DHRSX: variants seen among roughly 807,000 people sequenced by gnomAD.
The protein encoded by DHRSX is polyprenol dehydrogenase.
A neutral mutation model predicts 34.0 loss-of-function variants in DHRSX; 31 were observed. That is an observed-to-expected ratio of 0.91 (90% CI 0.69 to 1.23). The LOEUF is 1.23. Among genes scored for constraint, DHRSX ranks in the 50% most tolerant of loss-of-function variants. DHRSX has a pLI of 0.00. For synonymous variants in DHRSX, 201 were observed against 183.8 expected (o/e 1.09, Z -0.76); for missense variants, 414 against 428.1 (o/e 0.97, Z 0.29).
chrX:2,465,309 T>G (rs999928568), intron 1 of DHRSX, among the ~76,000 whole-genome samples: 6 of 152,140 alleles, frequency 3.9e-5, no homozygotes, highest in African/African-American at 1.4e-4. Context: ...GAATGGCGTG[T>G]TGTAACTGCA....
rs747987571 is a variant in DHRSX at position 2,494,071 on chromosome X, G to A, written c.109+6746C>T. ...ATACCTGGAAGAAAAGTTTGTACTC[G>A]GTTATTATTATCTGTCTGAAAGAGG... On this transcript the variant is annotated intron_variant, in intron 1 of 6. Coordinates refer to ENST00000334651, the MANE Select transcript of DHRSX (RefSeq NM_145177.3). 4.5e-4 allele frequency among the ~76,000 whole-genome samples: 68 copies of A among 151,620 alleles called. 1 individual carries two copies. Among genetic ancestry groups the A allele is most frequent in the Non-Finnish European group, 5.3e-4 (36 of 67,892 alleles).
chrX:2,335,411 T>C (rs980530328), intron 3 of DHRSX, among the ~76,000 whole-genome samples: 3 of 151,290 alleles, frequency 2.0e-5, no homozygotes, highest in African/African-American at 7.3e-5. Flanking sequence ...AGGTCATAGG[T>C]GGATAAGAGA....
chrX:2,232,791 C>G (rs1298990517), intron 6 of DHRSX, among the ~76,000 whole-genome samples: 3 of 151,910 alleles, frequency 2.0e-5, no homozygotes, highest in Admixed American at 1.3e-4. Flanking sequence ...CCAGGCTGGT[C>G]TCGAACTCCT....
At chrX:2,400,290 A>G (rs886984163) in intron 3 of DHRSX, among the ~76,000 whole-genome samples, 4 of 152,072 alleles carry the variant, frequency 2.6e-5, no homozygotes, top group African/African-American at 9.7e-5. Flanking sequence ...TGCCATCAAC[A>G]CTCACATCAT....
At chrX:2,241,743 T>C (rs1333493224) in intron 6 of DHRSX, among the ~76,000 whole-genome samples, 2 of 152,024 alleles carry the variant, frequency 1.3e-5, no homozygotes, top group Admixed American at 6.6e-5. Flanking sequence ...ACCCCGTCTC[T>C]ACTAAAAATA....
At chrX:2,318,357 A>T (rs1374343913) in intron 3 of DHRSX, among the ~76,000 whole-genome samples, 2 of 151,978 alleles carry the variant, frequency 1.3e-5, no homozygotes, top group Non-Finnish European at 2.9e-5. Flanking sequence ...TCTCAAAAAA[A>T]AAAAAAGATA....
intron 1 of DHRSX, among the ~76,000 whole-genome samples, chrX:2,470,387 C>T (rs1191316839): frequency 6.6e-6 from 1 of 150,702 alleles, no homozygotes; most frequent in African/African-American, 2.5e-5. Context: ...CGTAATGAAA[C>T]CCTATCTCTA....
chrX:2,435,120 C>T (rs762380808), intron 1 of DHRSX, among the ~76,000 whole-genome samples: 1 of 150,160 alleles, frequency 6.7e-6, no homozygotes, highest in African/African-American at 2.5e-5. Flanking sequence ...ACTAGTAATT[C>T]TCAGGGGTTC....
chrX:2,454,836 G>A (rs1225563348), intron 1 of DHRSX, among the ~76,000 whole-genome samples: 8 of 152,048 alleles, frequency 5.3e-5, no homozygotes, highest in Admixed American at 5.2e-4. Flanking sequence ...GGATTGGTTG[G>A]GCGTGGTGGC....
chrX:2,407,375 A>C (rs1181158109), intron 3 of DHRSX, among the ~76,000 whole-genome samples: 1 of 152,126 alleles, frequency 6.6e-6, no homozygotes, highest in African/African-American at 2.4e-5. Flanking sequence ...GTGGGCCTTT[A>C]TTTAGTATAC....
chrX:2,466,877 T>A (rs933267666), intron 1 of DHRSX, among the ~76,000 whole-genome samples: 3 of 151,760 alleles, frequency 2.0e-5, no homozygotes, highest in Admixed American at 2.0e-4. Context: ...ACTACCCTGA[T>A]CAACATGCTG....
At chrX:2,464,133 C>CACACT (rs1385801216) in intron 1 of DHRSX, among the ~76,000 whole-genome samples, 17 of 151,684 alleles carry the variant, frequency 1.1e-4, no homozygotes, top group African/African-American at 3.9e-4. Context: ...CCGCCATGTA[C>CACACT]GCACTGAAGA....
At chrX:2,394,588 C>A (rs2043385236) in intron 3 of DHRSX, among the ~76,000 whole-genome samples, 1 of 151,964 alleles carries the variant, frequency 6.6e-6, no homozygotes, top group Non-Finnish European at 1.5e-5. Context: ...GGAGTTGGGG[C>A]CGGGCACAGT....
intron 1 of DHRSX, among the ~76,000 whole-genome samples, chrX:2,455,648 G>A (rs1158921138): frequency 2.0e-5 from 3 of 150,592 alleles, no homozygotes; most frequent in Admixed American, 6.7e-5. Context: ...GGCTGATGCG[G>A]GAGAATCCCG....
At chrX:2,347,860 T>C (rs1323195047) in intron 3 of DHRSX, among the ~76,000 whole-genome samples, 1 of 152,182 alleles carries the variant, frequency 6.6e-6, no homozygotes, top group African/African-American at 2.4e-5. Context: ...AATGGTAGCA[T>C]CCATCTGCAG....
intron 1 of DHRSX, among the ~76,000 whole-genome samples, chrX:2,470,048 C>T (rs1359473654): frequency 2.6e-5 from 4 of 151,640 alleles, no homozygotes; most frequent in African/African-American, 9.7e-5. Context: ...CATAGACACA[C>T]AGTGGAATAG....
At chrX:2,311,040 G>A (rs1452695227) in intron 3 of DHRSX, among the ~76,000 whole-genome samples, 6 of 140,670 alleles carry the variant, frequency 4.3e-5, no homozygotes, top group African/African-American at 1.6e-4. Context: ...CAGACTGAAT[G>A]AGAAGAACAA....
In DHRSX at chrX:2,431,949, T is replaced by G. The variant is rs375981065; in HGVS notation, c.110-6645A>C. On this transcript the variant is annotated intron_variant, in intron 1 of 6. Transcript: ENST00000334651. ...GGCTCACACCTGTCATCCCAGCACT[T>G]TGGGAGGCCGAGACGGGTGGATCAC... 2.4e-4 allele frequency among the ~76,000 whole-genome samples: 37 copies of G among 152,166 alleles called. No individual in the cohort carries two copies. In the East Asian group the frequency reaches 6.6e-3, roughly 27 times the overall value.
chrX:2,481,065 A>G (rs1420031971), intron 1 of DHRSX, among the ~76,000 whole-genome samples: 4 of 152,182 alleles, frequency 2.6e-5, no homozygotes, highest in East Asian at 3.8e-4. Flanking sequence ...TTAATGTGTT[A>G]ATTAGCTTGA....
Sources: gnomAD v4.1 joint callset for allele counts (sites outside exome capture counted in the v4.1 genomes callset) on GRCh38, gnomAD v4.1.1 for gene constraint, MANE v1.5 for transcripts, NCBI Gene and HGNC (gene_info 2026-07-23, HGNC 2026-07-21) for gene names.